TAFA2: variants seen among roughly 807,000 people sequenced by gnomAD.
The protein encoded by TAFA2 is TAFA chemokine like family member 2, also known as chemokine-like protein TAFA-2.
A neutral mutation model predicts 18.8 loss-of-function variants in TAFA2; 7 were observed. The observed-to-expected ratio is 0.37, with a 90% CI of 0.21 to 0.70. The LOEUF (loss-of-function observed/expected upper bound fraction) is 0.70. Ranked by LOEUF, TAFA2 falls within the 30% of genes least tolerant of loss-of-function variation. The pLI, the probability that TAFA2 is intolerant of heterozygous loss-of-function variation, is 0.53. For synonymous variants in TAFA2, 60 were observed against 54.2 expected (o/e 1.11, Z -0.47); for missense variants, 122 against 158.1 (o/e 0.77, Z 1.23).
chr12:61,964,460 G>C (rs759055131), intron 1 of TAFA2, among the ~76,000 whole-genome samples: 2 of 151,750 alleles, frequency 1.3e-5, no homozygotes, highest in African/African-American at 4.8e-5. Context: ...GAGTAAGGCT[G>C]TCAGAATGTT....
At chr12:62,010,167 C>CCCCTCCCTCTCCCTT (rs1880685542) in intron 1 of TAFA2, among the ~76,000 whole-genome samples, 1 of 144,146 alleles carries the variant, frequency 6.9e-6, no homozygotes, top group Non-Finnish European at 1.5e-5. Flanking sequence ...CCCTCCCCCT[C>CCCCTCCCTCTCCCTT]CCCCTCCCTC....
rs1453195887 is a variant in TAFA2 at position 62,258,673 on chromosome 12, C to T, written c.-130+90G>A. On this transcript the variant is annotated intron_variant, in intron 1 of 5. Coordinates refer to the TAFA2 transcript ENST00000551619. ...TTTCATTTAATCTTCATAAAAATCCCTTAAGGTAGGTATTATTATACTCAA... is the reference window on the plus strand; with the variant it reads ...TTTCATTTAATCTTCATAAAAATCCTTTAAGGTAGGTATTATTATACTCAA... 5 of 256,728 alleles carry T rather than the reference C, an allele frequency of 1.9e-5. No individual in the cohort carries two copies. In the East Asian group the frequency reaches 5.4e-4, roughly 28 times the overall value. 15.9% of individuals were successfully genotyped at this position (256,728 alleles called of 1,614,324 possible).
intron 1 of TAFA2, among the ~76,000 whole-genome samples, chr12:62,243,752 A>G (rs1439765621): frequency 1.3e-5 from 2 of 152,188 alleles, no homozygotes; most frequent in African/African-American, 4.8e-5. Context: ...GAACCATTAC[A>G]ACATCTGCTT....
chr12:61,947,974 T>C (rs1206860484), intron 1 of TAFA2, among the ~76,000 whole-genome samples: 1 of 152,108 alleles, frequency 6.6e-6, no homozygotes, highest in African/African-American at 2.4e-5. Context: ...ATCAGACTTA[T>C]AGAAACCACA....
intron 1 of TAFA2, among the ~76,000 whole-genome samples, chr12:61,948,895 A>G (rs942307073): frequency 1.3e-5 from 2 of 152,184 alleles, no homozygotes; most frequent in African/African-American, 4.8e-5. Context: ...ATGGCTGAGT[A>G]CTACTCATCA....
chr12:61,865,363 A>C (rs749387748), intron 2 of TAFA2, among the ~76,000 whole-genome samples: 7 of 152,220 alleles, frequency 4.6e-5, no homozygotes, highest in Non-Finnish European at 1.0e-4. Context: ...TTATGTGTAA[A>C]ATAGCTCAAA....
chr12:61,769,200 G>A (rs772523422), intron 2 of TAFA2, among the ~76,000 whole-genome samples: 2 of 151,946 alleles, frequency 1.3e-5, no homozygotes, highest in Non-Finnish European at 2.9e-5. Context: ...CCCACCAAAG[G>A]AGGGTCTGAG....
In TAFA2 at chr12:61,944,942, C is replaced by T. The variant is rs1301718047; in HGVS notation, c.-1-77516G>A. On this transcript the variant is annotated intron_variant, in intron 1 of 4. Transcript: ENST00000416284. ...TCAATAGAAAAAGAGGGAATCCTCC[C>T]TAACTCATTTTATGAGGCCAGCATC... 1.2e-4 allele frequency among the ~76,000 whole-genome samples: 17 copies of T among 145,344 alleles called. No individual in the cohort carries two copies. In the Admixed American group the frequency reaches 1.2e-3, roughly 10 times the overall value.
At chr12:62,016,374 A>G (rs1880936836) in intron 1 of TAFA2, among the ~76,000 whole-genome samples, 1 of 152,124 alleles carries the variant, frequency 6.6e-6, no homozygotes, top group Non-Finnish European at 1.5e-5. Flanking sequence ...TTATTTTTTA[A>G]TTCTCTCACC....
intron 1 of TAFA2, among the ~76,000 whole-genome samples, chr12:61,955,564 T>A (rs1878624326): frequency 8.7e-6 from 1 of 115,122 alleles, no homozygotes; most frequent in Non-Finnish European, 1.6e-5. Context: ...ATCACGCCAC[T>A]GCACTCCAGC....
intron 1 of TAFA2, among the ~76,000 whole-genome samples, chr12:61,976,254 G>T (rs1879430491): frequency 6.6e-6 from 1 of 151,624 alleles, no homozygotes; most frequent in Non-Finnish European, 1.5e-5. Context: ...CAATCAAAAG[G>T]CAATATACTT....
intron 1 of TAFA2, among the ~76,000 whole-genome samples, chr12:62,247,835 T>C (rs1348343683): frequency 6.6e-6 from 1 of 152,230 alleles, no homozygotes; most frequent in Admixed American, 6.5e-5. Context: ...ATTTTGAGTG[T>C]TTTTATTCAA....
intron 1 of TAFA2, among the ~76,000 whole-genome samples, chr12:61,907,896 A>G (rs189006755): frequency 6.6e-6 from 1 of 152,274 alleles, no homozygotes; most frequent in East Asian, 1.9e-4. Context: ...GCCCTATTGA[A>G]TTTTGGGCTT....
chr12:61,762,203 C>T (rs7486975), intron 2 of TAFA2, among the ~76,000 whole-genome samples: 3,062 of 152,188 alleles, frequency 0.02, 119 homozygotes, highest in African/African-American at 0.07. Flanking sequence ...TGAGAACAGA[C>T]CTTTCTATGC....
At chr12:61,778,985 G>A (rs769512944) in intron 2 of TAFA2, among the ~76,000 whole-genome samples, 2 of 151,782 alleles carry the variant, frequency 1.3e-5, no homozygotes, top group Non-Finnish European at 1.5e-5. Flanking sequence ...GTAAAAACAA[G>A]TTACGTTTTC....
intron 1 of TAFA2, among the ~76,000 whole-genome samples, chr12:62,122,549 G>A (rs1272651219): frequency 2.6e-5 from 4 of 152,080 alleles, no homozygotes; most frequent in African/African-American, 9.7e-5. Context: ...TATAAATGAG[G>A]GGGAAATAAG....
At chr12:61,943,299 G>T (rs1289631938) in intron 1 of TAFA2, among the ~76,000 whole-genome samples, 3 of 148,932 alleles carry the variant, frequency 2.0e-5, no homozygotes, top group Admixed American at 6.7e-5. Flanking sequence ...AGCTCCTGAA[G>T]GAAGCACTAA....
intron 1 of TAFA2, among the ~76,000 whole-genome samples, chr12:62,084,363 G>A (rs1168603756): frequency 6.6e-6 from 1 of 152,080 alleles, no homozygotes; most frequent in African/African-American, 2.4e-5. Context: ...AATTATAATA[G>A]TACAGTACAA....
At chr12:61,761,886 T>TA (rs1437317912) in intron 2 of TAFA2, among the ~76,000 whole-genome samples, 2 of 152,106 alleles carry the variant, frequency 1.3e-5, no homozygotes, top group Non-Finnish European at 2.9e-5. Flanking sequence ...GGAAGGTGAT[T>TA]GGATCATGGG....
Sources: allele counts gnomAD v4.1 joint callset (sites outside exome capture counted in the v4.1 genomes callset), GRCh38; gene constraint gnomAD v4.1.1; transcripts MANE v1.5; gene names NCBI Gene and HGNC (gene_info 2026-07-23, HGNC 2026-07-21).